The following ZFHX3 variants were observed in gnomAD, a reference collection of about 807,000 sequenced individuals.
ZFHX3 encodes the protein zinc finger homeobox 3.
Under a neutral mutation model 279.1 loss-of-function variants are expected in ZFHX3, and 42 were observed. That is an observed-to-expected ratio of 0.15 (90% confidence interval 0.12 to 0.19). ZFHX3 has a LOEUF of 0.19. Ranked by LOEUF, ZFHX3 falls within the 10% of genes least tolerant of loss-of-function variation. The probability of loss-of-function intolerance (pLI) is 1.00; values close to 1 mark genes in which losing one functional copy is unlikely to be tolerated. For missense variants in ZFHX3, 4,981 were observed against 4,754.0 expected (o/e 1.05, Z -1.40); for synonymous variants, 2,293 against 1,957.8 (o/e 1.17, Z -4.52).
At chr16:73,800,563 C>A (rs1409225574) in intron 1 of ZFHX3, among the ~76,000 whole-genome samples, 2 of 152,068 alleles carry the variant, frequency 1.3e-5, no homozygotes, top group Non-Finnish European at 2.9e-5. Flanking sequence ...TCCTCCTCCT[C>A]CTCCTCTTCC....
intron 1 of ZFHX3, among the ~76,000 whole-genome samples, chr16:72,998,629 T>C (rs1963377908): frequency 2.0e-5 from 3 of 152,180 alleles, no homozygotes; most frequent in African/African-American, 4.8e-5. Context: ...AGGGGCCACA[T>C]ACTGCAGTAA....
intron 1 of ZFHX3, among the ~76,000 whole-genome samples, chr16:73,785,738 G>A (rs1232012521): frequency 6.6e-6 from 1 of 152,136 alleles, no homozygotes; most frequent in Non-Finnish European, 1.5e-5. Flanking sequence ...CTCATTTCCA[G>A]AGCTTCTATT....
chr16:73,139,129 T>A (rs1048072753), intron 6 of ZFHX3, among the ~76,000 whole-genome samples: 2 of 152,218 alleles, frequency 1.3e-5, no homozygotes, highest in African/African-American at 4.8e-5. Context: ...AGCACAAAGA[T>A]GTCCATCATT....
intron 1 of ZFHX3, among the ~76,000 whole-genome samples, chr16:73,738,411 T>C (rs2053626596): frequency 6.6e-6 from 1 of 151,672 alleles, no homozygotes; most frequent in Non-Finnish European, 1.5e-5. Flanking sequence ...AAGGATCATG[T>C]TTGCCACAGA....
chr16:72,874,355 C>T (rs972062311), intron 4 of ZFHX3, among the ~76,000 whole-genome samples: 2 of 151,888 alleles, frequency 1.3e-5, no homozygotes, highest in Admixed American at 6.6e-5. Flanking sequence ...TACAGGCACC[C>T]GCCACCACAC....
At chr16:73,866,058 C>A (rs1036616981) in intron 1 of ZFHX3, among the ~76,000 whole-genome samples, 1 of 149,098 alleles carries the variant, frequency 6.7e-6, no homozygotes, top group African/African-American at 2.5e-5. Context: ...ATCCTGTTCT[C>A]AATCTTAAAA....
intron 3 of ZFHX3, among the ~76,000 whole-genome samples, chr16:72,916,283 G>A (rs2039441221): frequency 6.6e-6 from 1 of 152,074 alleles, no homozygotes; most frequent in Admixed American, 6.6e-5. Context: ...ATTTGATTTT[G>A]TATCTCATGA....
At chr16:73,693,053 G>C (rs945352934) in intron 1 of ZFHX3, among the ~76,000 whole-genome samples, 1 of 152,168 alleles carries the variant, frequency 6.6e-6, no homozygotes, top group African/African-American at 2.4e-5. Context: ...CAGCAGCTAT[G>C]ACTCTCTAGG....
At chr16:73,432,108 A>G (rs1035103758) in intron 3 of ZFHX3, among the ~76,000 whole-genome samples, 1 of 152,172 alleles carries the variant, frequency 6.6e-6, no homozygotes, top group African/African-American at 2.4e-5. Context: ...ATGGATGAAG[A>G]TTTCTGTCTA....
At chr16:72,982,611 T>C (rs1315380451) in intron 1 of ZFHX3, among the ~76,000 whole-genome samples, 2 of 152,164 alleles carry the variant, frequency 1.3e-5, no homozygotes, top group South Asian at 2.1e-4. Context: ...CCACCAAATA[T>C]TGAGTTGCTC....
At chr16:72,934,254 G>A (rs540545056) in intron 3 of ZFHX3, among the ~76,000 whole-genome samples, 58 of 152,004 alleles carry the variant, frequency 3.8e-4, no homozygotes, top group Middle Eastern at 6.8e-3. Context: ...GTAAAACCCC[G>A]TGTCTGTTAA....
At chr16:73,484,599 C>G (rs1476960221) in intron 2 of ZFHX3, among the ~76,000 whole-genome samples, 1 of 152,152 alleles carries the variant, frequency 6.6e-6, no homozygotes, top group African/African-American at 2.4e-5. Context: ...AGGAGAGACA[C>G]AGTATCACCA....
intron 3 of ZFHX3, among the ~76,000 whole-genome samples, chr16:72,890,955 G>A (rs2038758167): frequency 6.6e-6 from 1 of 152,188 alleles, no homozygotes; most frequent in African/African-American, 2.4e-5. Flanking sequence ...GCCAACCCCT[G>A]CTTCAGGTAA....
intron 2 of ZFHX3, among the ~76,000 whole-genome samples, chr16:73,638,172 A>C (rs1597040616): frequency 6.6e-6 from 1 of 152,232 alleles, no homozygotes; most frequent in East Asian, 1.9e-4. Context: ...CCATGGAAAT[A>C]ATCTTGAATG....
intron 1 of ZFHX3, among the ~76,000 whole-genome samples, chr16:73,688,405 G>A (rs372575312): frequency 6.6e-6 from 1 of 150,416 alleles, no homozygotes. Flanking sequence ...CCCCATGCAA[G>A]TATTAAGAGG....
chr16:73,706,450 C>G (rs2053305355), intron 1 of ZFHX3, among the ~76,000 whole-genome samples: 1 of 94,812 alleles, frequency 1.1e-5, no homozygotes, highest in African/African-American at 3.9e-5. Context: ...GAGCGAAACT[C>G]TATCTCAAAA....
chr16:73,320,613 A>G (rs564679653), intron 3 of ZFHX3, among the ~76,000 whole-genome samples: 4 of 152,206 alleles, frequency 2.6e-5, no homozygotes, highest in African/African-American at 9.6e-5. Flanking sequence ...CTACCTATCT[A>G]CCTGTGCTTG....
chr16:73,421,904 A>G (rs781244741), intron 3 of ZFHX3, among the ~76,000 whole-genome samples: 2 of 152,196 alleles, frequency 1.3e-5, no homozygotes, highest in Non-Finnish European at 2.9e-5. Context: ...ATAGAACTTC[A>G]GAAAAGCCTA....
intron 4 of ZFHX3, among the ~76,000 whole-genome samples, chr16:72,838,554 T>G (rs1205743238): frequency 6.6e-6 from 1 of 151,924 alleles, no homozygotes; most frequent in Admixed American, 6.6e-5. Flanking sequence ...GTCCCTCCTG[T>G]GGGAACAGCA....
Sources: gnomAD v4.1 joint callset for allele counts (sites outside exome capture counted in the v4.1 genomes callset) on GRCh38, gnomAD v4.1.1 for gene constraint, MANE v1.5 for transcripts, NCBI Gene and HGNC (gene_info 2026-07-23, HGNC 2026-07-21) for gene names.